The following CACNA2D3 variants were observed in gnomAD, a reference collection of about 807,000 sequenced individuals.
The protein encoded by CACNA2D3 is voltage-dependent calcium channel subunit alpha-2/delta-3.
Under a neutral mutation model 160.6 loss-of-function variants are expected in CACNA2D3, and 60 were observed. The ratio of observed to expected loss-of-function variants is 0.37; its 90% CI spans 0.30 to 0.46. The LOEUF (loss-of-function observed/expected upper bound fraction) is 0.46, where lower values mean the gene tolerates loss of function less well. CACNA2D3 is among the 20% of genes least tolerant of loss of function. The pLI is 1.00. For missense variants in CACNA2D3, 1,205 were observed against 1,365.0 expected (o/e 0.88, Z 1.85); for synonymous variants, 558 against 492.9 (o/e 1.13, Z -1.75).
chr3:54,308,188 G>C (rs1337432868), intron 2 of CACNA2D3, among the ~76,000 whole-genome samples: 2 of 152,150 alleles, frequency 1.3e-5, no homozygotes, highest in Non-Finnish European at 2.9e-5. Flanking sequence ...TTAAGAGCAT[G>C]GACTCTGAGG....
At chr3:54,412,112 G>C (rs1699677204) in intron 4 of CACNA2D3, among the ~76,000 whole-genome samples, 1 of 152,072 alleles carries the variant, frequency 6.6e-6, no homozygotes, top group Non-Finnish European at 1.5e-5. Context: ...GTAGTCTTTT[G>C]TGTCTGGTTT....
intron 18 of CACNA2D3, among the ~76,000 whole-genome samples, chr3:54,878,317 A>G (rs1699712803): frequency 6.6e-6 from 1 of 152,092 alleles, no homozygotes; most frequent in Non-Finnish European, 1.5e-5. Context: ...ATGACGGCAC[A>G]TCTTTCATCA....
In CACNA2D3 at chr3:54,811,080, C is replaced by T. The variant is rs75785015; in HGVS notation, c.1381-5773C>T. ...TGCCTACACTCACCCCTTCGGTAACCTCATCTACGTGCAGACAGTAACCAA... is the reference window on the plus strand; with the variant it reads ...TGCCTACACTCACCCCTTCGGTAACTTCATCTACGTGCAGACAGTAACCAA... On this transcript the variant is annotated intron_variant, in intron 13 of 37. Coordinates refer to ENST00000474759, the MANE Select transcript of CACNA2D3 (RefSeq NM_018398.3). Among the ~76,000 whole-genome samples, 382 of 152,298 alleles carry T rather than the reference C, an allele frequency of 2.5e-3. 3 individuals carry two copies. Among genetic ancestry groups the T allele is most frequent in the African/African-American group, 8.8e-3 (364 of 41,560 alleles).
intron 16 of CACNA2D3, among the ~76,000 whole-genome samples, chr3:54,841,042 C>T (rs573664216): frequency 2.0e-5 from 3 of 152,114 alleles, no homozygotes; most frequent in Non-Finnish European, 4.4e-5. Context: ...TGATTTTAAC[C>T]TCTGTAACCA....
At chr3:54,291,767 A>C (rs1703211532) in intron 2 of CACNA2D3, among the ~76,000 whole-genome samples, 1 of 152,176 alleles carries the variant, frequency 6.6e-6, no homozygotes, top group South Asian at 2.1e-4. Flanking sequence ...TTACTCTAGG[A>C]ATGGGAGTGC....
intron 31 of CACNA2D3, among the ~76,000 whole-genome samples, chr3:54,994,212 G>C (rs1702806970): frequency 6.6e-6 from 1 of 152,100 alleles, no homozygotes; most frequent in Non-Finnish European, 1.5e-5. Flanking sequence ...GGACTTGGGA[G>C]CTTTCCCTGT....
intron 11 of CACNA2D3, among the ~76,000 whole-genome samples, chr3:54,663,951 C>T (rs530847701): frequency 3.9e-5 from 6 of 152,360 alleles, no homozygotes; most frequent in South Asian, 2.1e-4. Flanking sequence ...TTTCTGCGCT[C>T]GCCTTCATGT....
At chr3:54,601,160 C>CA (rs1703052988) in intron 9 of CACNA2D3, among the ~76,000 whole-genome samples, 1 of 152,088 alleles carries the variant, frequency 6.6e-6, no homozygotes, top group South Asian at 2.1e-4. Context: ...GGTGGATGAC[C>CA]AAAACTTGGC....
At chr3:54,590,970 G>A (rs1331088694) in intron 9 of CACNA2D3, among the ~76,000 whole-genome samples, 2 of 152,052 alleles carry the variant, frequency 1.3e-5, no homozygotes, top group African/African-American at 4.8e-5. Context: ...TACCGTATGT[G>A]TCTTTTTATT....
At chr3:54,887,520 T>C (rs1268651632) in intron 23 of CACNA2D3, among the ~76,000 whole-genome samples, 2 of 152,198 alleles carry the variant, frequency 1.3e-5, no homozygotes, top group East Asian at 3.9e-4. Flanking sequence ...TATTAAGTTA[T>C]GGTATCTCTT....
At chr3:54,283,889 C>T (rs988871988) in intron 2 of CACNA2D3, among the ~76,000 whole-genome samples, 1 of 151,974 alleles carries the variant, frequency 6.6e-6, no homozygotes, top group Non-Finnish European at 1.5e-5. Context: ...ATGGTGAAAC[C>T]CCGTCTCTAC....
chr3:54,809,203 C>T (rs1703217327), intron 13 of CACNA2D3, among the ~76,000 whole-genome samples: 1 of 151,408 alleles, frequency 6.6e-6, no homozygotes, highest in South Asian at 2.1e-4. Flanking sequence ...TCTTTCTTCT[C>T]CTTCCTTTCC....
chr3:54,741,708 C>T (rs1575451992), intron 11 of CACNA2D3, among the ~76,000 whole-genome samples: 2 of 152,106 alleles, frequency 1.3e-5, no homozygotes, highest in Non-Finnish European at 2.9e-5. Context: ...CCTTGGTGGT[C>T]CACTGGACAA....
At chr3:54,892,287 C>A (rs1319151882) in intron 25 of CACNA2D3, among the ~76,000 whole-genome samples, 1 of 151,998 alleles carries the variant, frequency 6.6e-6, no homozygotes, top group Non-Finnish European at 1.5e-5. Context: ...CATTATACCC[C>A]CAACCTTCAG....
At chr3:54,814,486 A>G (rs1227797067) in intron 13 of CACNA2D3, among the ~76,000 whole-genome samples, 1 of 152,234 alleles carries the variant, frequency 6.6e-6, no homozygotes, top group African/African-American at 2.4e-5. Flanking sequence ...TTGGGGAGCC[A>G]GCTCCCAGCA....
intron 16 of CACNA2D3, among the ~76,000 whole-genome samples, chr3:54,843,989 G>A (rs1351099135): frequency 6.6e-6 from 1 of 152,176 alleles, no homozygotes; most frequent in African/African-American, 2.4e-5. Flanking sequence ...TACTTGGTTT[G>A]CCACTGAAGG....
chr3:54,943,707 G>A (rs1200977164), intron 27 of CACNA2D3, among the ~76,000 whole-genome samples: 1 of 148,524 alleles, frequency 6.7e-6, no homozygotes, highest in Non-Finnish European at 1.5e-5. Context: ...CTAAATGTTT[G>A]GTATTTCTGC....
intron 27 of CACNA2D3, among the ~76,000 whole-genome samples, chr3:54,919,601 G>A (rs1054213421): frequency 2.6e-5 from 4 of 151,888 alleles, no homozygotes; most frequent in Non-Finnish European, 4.4e-5. Flanking sequence ...GCTGTTGGTC[G>A]GGGGAATTTG....
intron 32 of CACNA2D3, among the ~76,000 whole-genome samples, chr3:55,007,053 A>G (rs904452914): frequency 4.6e-5 from 7 of 152,332 alleles, no homozygotes; most frequent in Non-Finnish European, 1.0e-4. Flanking sequence ...CTAGGTACAA[A>G]GAACCAACTG....
Sources: gnomAD v4.1 joint callset for allele counts (sites outside exome capture counted in the v4.1 genomes callset) on GRCh38, gnomAD v4.1.1 for gene constraint, MANE v1.5 for transcripts, NCBI Gene and HGNC (gene_info 2026-07-23, HGNC 2026-07-21) for gene names.